ZNF141: variants seen among roughly 807,000 people sequenced by gnomAD.
ZNF141 encodes the protein zinc finger protein 141 (clone pHZ-44).
Under a neutral mutation model 11.3 loss-of-function variants are expected in ZNF141, and 7 were observed. The ratio of observed to expected loss-of-function variants is 0.62; its 90% CI spans 0.35 to 1.16. The LOEUF is 1.16. ZNF141 is among the 50% of genes most tolerant of loss of function. The pLI is 0.02. For synonymous variants in ZNF141, 183 were observed against 190.7 expected, an observed-to-expected ratio of 0.96 and a Z score of 0.33; for missense variants, 535 against 554.0, an observed-to-expected ratio of 0.97 and a Z score of 0.34.
rs782475812 is a variant in ZNF141 at position 344,314 on chromosome 4, AT to A, written c.131-13del. 2.9e-5 allele frequency: 46 copies of A among 1,589,674 alleles called. No homozygotes were observed. Among genetic ancestry groups the A allele is most frequent in the East Asian group, 6.8e-5 (3 of 44,188 alleles). Reference sequence around the variant, plus strand: ...AATCCCCATCAATAGTCATGTTATTATTTTTTTTAAAATAAAACAGGTGTTG... The same window carrying A: ...AATCCCCATCAATAGTCATGTTATTATTTTTTTAAAATAAAACAGGTGTTG... On this transcript the variant is annotated intron_variant, in intron 2 of 3. Transcript: ENST00000240499.
chr4:337,868 T>G lies in ZNF141; in HGVS notation c.-116T>G. The G allele has an allele frequency of 7.3e-7, 1 of 1,375,522 alleles. No homozygotes were observed. The highest frequency in any genetic ancestry group is 1.0e-6 in the Non-Finnish European group (1 of 981,226). 85.2% of individuals were successfully genotyped at this position (1,375,522 alleles called of 1,614,324 possible). ...GGGTTAGGGGCTTCATCTCTCTGCG[T>G]TCTCAGTTGTGGGAGGCCTTGGTGA... On this transcript the variant is annotated 5_prime_UTR_variant, in exon 1 of 4. Transcript: ENST00000240499.
chr4:370,019 C>A (rs1265174463), intron 3 of ZNF141, among the ~76,000 whole-genome samples: 1 of 151,614 alleles, frequency 6.6e-6, no homozygotes, highest in Non-Finnish European at 1.5e-5. Flanking sequence ...CCTGCCTCAG[C>A]CGCTCAAAGT....
intron 3 of ZNF141, among the ~76,000 whole-genome samples, chr4:349,716 T>G (rs1553850140): frequency 6.6e-6 from 1 of 152,246 alleles, no homozygotes; most frequent in East Asian, 1.9e-4. Flanking sequence ...CTGCTGGGTC[T>G]GCTGTGGGGT....
At chr4:356,017 G>A (rs781835146) in intron 3 of ZNF141, among the ~76,000 whole-genome samples, 1 of 152,138 alleles carries the variant, frequency 6.6e-6, no homozygotes, top group East Asian at 2.0e-4. Context: ...TGGATCACAG[G>A]TCACGAGTTT....
At chr4:363,990 C>T (rs947363385) in intron 3 of ZNF141, among the ~76,000 whole-genome samples, 3 of 152,040 alleles carry the variant, frequency 2.0e-5, no homozygotes, top group African/African-American at 4.8e-5. Context: ...TGATGGATTA[C>T]GTTTATTGAT....
At chr4:343,022 T>C in intron 1 of ZNF141, 1 of 611,778 alleles carries the variant, frequency 1.6e-6, no homozygotes, top group Non-Finnish European at 2.4e-6. Context: ...GTTCCTTGCA[T>C]GATTAAAAAA....
intron 3 of ZNF141, 36 bp downstream of exon 3, chr4:344,466 AG>A (rs1382460093): frequency 6.4e-7 from 1 of 1,561,182 alleles, no homozygotes; most frequent in Non-Finnish European, 8.7e-7. Flanking sequence ...GGCACAGGCA[AG>A]GGGACCAAAG....
chr4:339,036 C>T (rs1392702291), intron 1 of ZNF141, among the ~76,000 whole-genome samples: 6 of 152,200 alleles, frequency 3.9e-5, no homozygotes, highest in African/African-American at 1.4e-4. Flanking sequence ...ACATCCCTTC[C>T]CTGCACCCTG....
chr4:364,032 G>A (rs55769528), intron 3 of ZNF141, among the ~76,000 whole-genome samples: 22,114 of 152,080 alleles, frequency 0.15, 2,214 homozygotes, highest in African/African-American at 0.28. Flanking sequence ...TGCATCCCTG[G>A]GATGAAGCCG....
intron 3 of ZNF141, among the ~76,000 whole-genome samples, chr4:359,877 C>G (rs1437232551): frequency 6.6e-6 from 1 of 152,152 alleles, no homozygotes; most frequent in Non-Finnish European, 1.5e-5. Context: ...TCATGACTGA[C>G]ATGTGCAAGG....
chr4:381,454 G>C lies in ZNF141; in HGVS notation c.*7592G>C, dbSNP rs1553855627. Reference sequence around the variant, plus strand: ...GACGTTGTCTTGCTCTGTCGCCCAGGCTGGAGTGCAGTGGTGCAATCTCGG... The same window carrying C: ...GACGTTGTCTTGCTCTGTCGCCCAGCCTGGAGTGCAGTGGTGCAATCTCGG... On this transcript the variant is annotated 3_prime_UTR_variant, in exon 4 of 4. Transcript: ENST00000240499. Among the ~76,000 whole-genome samples, 1 of 138,200 alleles carries C rather than the reference G, an allele frequency of 7.2e-6. No homozygotes were observed. Among genetic ancestry groups the C allele is most frequent in the Admixed American group, 7.8e-5 (1 of 12,786 alleles). 90.7% of individuals were successfully genotyped at this position (138,200 alleles called of 152,430 possible).
chr4:357,147 C>T (rs782300421), intron 3 of ZNF141, among the ~76,000 whole-genome samples: 121 of 152,120 alleles, frequency 8.0e-4, no homozygotes, highest in Non-Finnish European at 1.3e-3. Flanking sequence ...TTTGTAGAGA[C>T]GGGGTTTTGC....
At position 384,829 on chromosome 4, in the gene ZNF141, G is replaced by A. The variant is rs1712841603; in HGVS notation, c.*10967G>A. 1 of 152,246 alleles carries A rather than the reference G, an allele frequency of 6.6e-6. No individual in the cohort carries two copies. The highest frequency in any genetic ancestry group is 2.4e-5 in the African/African-American group (1 of 41,442). The allele number at this position is 152,246 out of a possible 1,614,324, so 9.4% of individuals were successfully genotyped here. ...CTTTCATGTCCCCTTTCTGCTGAGA[G>A]CTTTCCTTTTGCTTAATAAATCCTA... On this transcript the variant is annotated 3_prime_UTR_variant, in exon 4 of 4. Transcript: ENST00000240499.
rs1553854046 is a variant in ZNF141, at chr4:373,540, A to T, written c.1103A>T (p.Lys368Ile). Residue 368 changes from lysine to isoleucine, a missense_variant, in exon 4 of 4, where the codon AAA becomes ATA. Lys to Ile is a moderately radical substitution (Grantham distance 102). Transcript: ENST00000240499. ...KKVHTGERPYKCDECGKAFGR... is the reference protein window; with the variant it reads ...KKVHTGERPYICDECGKAFGR... ...GTTCATACTGGAGAGCGGCCCTACA[A>T]ATGTGATGAATGTGGCAAAGCCTTT... is the stretch of plus-strand genomic sequence containing the variant. 1 of 1,613,502 alleles carries T rather than the reference A, an allele frequency of 6.2e-7. No homozygotes were observed. The highest frequency in any genetic ancestry group is 1.7e-5 in the Admixed American group (1 of 59,944).
chr4:380,912 A>G lies in ZNF141; in HGVS notation c.*7050A>G, dbSNP rs1265187374. On this transcript the variant is annotated 3_prime_UTR_variant, in exon 4 of 4. Transcript: ENST00000240499. ...TATATGTGTGTGCAAAACGTATAAAATATACAGAAAAGAGAAATACTTCCT... is the reference window on the plus strand; with the variant it reads ...TATATGTGTGTGCAAAACGTATAAAGTATACAGAAAAGAGAAATACTTCCT... 6.6e-6 allele frequency among the ~76,000 whole-genome samples: 1 copy of G among 152,196 alleles called. No individual in the cohort carries two copies. Among genetic ancestry groups the G allele is most frequent in the East Asian group, 1.9e-4 (1 of 5,196 alleles).
At chr4:355,770 T>A (rs782587826) in intron 3 of ZNF141, among the ~76,000 whole-genome samples, 8 of 152,192 alleles carry the variant, frequency 5.3e-5, no homozygotes, top group Non-Finnish European at 1.2e-4. Context: ...GAAGTTTACT[T>A]AGCTCACAAT....
Position 383,493 on chromosome 4 carries a change from G to A in ZNF141, c.*9631G>A, listed in dbSNP as rs1283074312. The A allele has an allele frequency of 2.4e-5, 6 of 246,020 alleles. No homozygotes were observed. Among genetic ancestry groups the A allele is most frequent in the Non-Finnish European group, 3.9e-5 (5 of 129,756 alleles). 15.2% of individuals were successfully genotyped at this position (246,020 alleles called of 1,614,324 possible). ...TTGTAAGATGATATTGAGTTACACAGAAGTTAGGCAGGAGAATAGGGTTTG... is the reference window on the plus strand; with the variant it reads ...TTGTAAGATGATATTGAGTTACACAAAAGTTAGGCAGGAGAATAGGGTTTG... On this transcript the variant is annotated 3_prime_UTR_variant, in exon 4 of 4. Coordinates refer to ENST00000240499, the MANE Select transcript of ZNF141 (RefSeq NM_003441.4).
At position 383,153 on chromosome 4, in the gene ZNF141, G is replaced by A. The variant is rs1386072827; in HGVS notation, c.*9291G>A. 2.4e-5 allele frequency: 17 copies of A among 701,718 alleles called. No homozygotes were observed. The highest frequency in any genetic ancestry group is 4.0e-5 in the Admixed American group (2 of 49,656). The allele number at this position is 701,718 out of a possible 1,614,324, so 43.5% of individuals were successfully genotyped here. ...TAGCTTTCTGGAGAATAGCATCTGA[G>A]AAAAGCCAAAGTGCCTCAGTTTACA... is the stretch of plus-strand genomic sequence containing the variant. On this transcript the variant is annotated 3_prime_UTR_variant, in exon 4 of 4. Coordinates refer to ENST00000240499, the MANE Select transcript of ZNF141 (RefSeq NM_003441.4).
chr4:348,534 G>A (rs1477980641), intron 3 of ZNF141, among the ~76,000 whole-genome samples: 1 of 152,086 alleles, frequency 6.6e-6, no homozygotes, highest in Admixed American at 6.5e-5. Context: ...CCAATATGGT[G>A]AAACCCTGTC....
Sources: gnomAD v4.1 joint callset for allele counts (sites outside exome capture counted in the v4.1 genomes callset) on GRCh38, gnomAD v4.1.1 for gene constraint, MANE v1.5 for transcripts, NCBI Gene and HGNC (gene_info 2026-07-23, HGNC 2026-07-21) for gene names.